XYLT1: variants seen among roughly 807,000 people sequenced by gnomAD.
XYLT1 encodes xylosyltransferase 1.
In XYLT1, 36 loss-of-function variants were observed where a neutral mutation model predicts 91.3. That is an observed-to-expected ratio of 0.39 (90% CI 0.30 to 0.52). The LOEUF (loss-of-function observed/expected upper bound fraction) is 0.52. XYLT1 is among the 20% of genes least tolerant of loss of function. The pLI is 0.68. For missense variants in XYLT1, 1,242 were observed against 1,284.5 expected, an observed-to-expected ratio of 0.97 and a Z score of 0.51; for synonymous variants, 588 against 532.0, an observed-to-expected ratio of 1.11 and a Z score of -1.45.
intron 2 of XYLT1, among the ~76,000 whole-genome samples, chr16:17,331,933 G>T (rs1360658594): frequency 1.3e-5 from 2 of 152,212 alleles, no homozygotes; most frequent in African/African-American, 4.8e-5. Flanking sequence ...CTTTGTCTCA[G>T]CAAGACCAGG....
intron 1 of XYLT1, among the ~76,000 whole-genome samples, chr16:17,440,908 A>C (rs1298387319): frequency 6.6e-6 from 1 of 152,104 alleles, no homozygotes; most frequent in African/African-American, 2.4e-5. Context: ...AACACTTACT[A>C]ATGGCGTGGC....
chr16:17,379,041 C>T (rs1457467077), intron 1 of XYLT1, among the ~76,000 whole-genome samples: 4 of 152,172 alleles, frequency 2.6e-5, no homozygotes, highest in Non-Finnish European at 4.4e-5. Context: ...GGCACATAGC[C>T]CTTCAACCAC....
chr16:17,243,380 G>A (rs116729133), intron 3 of XYLT1, among the ~76,000 whole-genome samples: 105 of 152,282 alleles, frequency 6.9e-4, no homozygotes, highest in African/African-American at 2.3e-3. Context: ...AAGGTCAAAC[G>A]AATTATCTGA....
chr16:17,163,546 G>A (rs545665499), intron 5 of XYLT1, among the ~76,000 whole-genome samples: 25 of 152,258 alleles, frequency 1.6e-4, no homozygotes, highest in Admixed American at 4.6e-4. Flanking sequence ...ACCCCTTCCC[G>A]ACTGCAGGAT....
chr16:17,261,762 G>A (rs965605314), intron 2 of XYLT1, among the ~76,000 whole-genome samples: 5 of 152,112 alleles, frequency 3.3e-5, no homozygotes, highest in Admixed American at 3.3e-4. Context: ...CAGGAGCTGG[G>A]AGGTAACAAG....
At chr16:17,427,186 G>A (rs1008143002) in intron 1 of XYLT1, among the ~76,000 whole-genome samples, 1 of 152,260 alleles carries the variant, frequency 6.6e-6, no homozygotes, top group Non-Finnish European at 1.5e-5. Context: ...GTCCACGGAA[G>A]AGAAGGGACG....
chr16:17,353,891 T>C (rs1408436673), intron 2 of XYLT1, among the ~76,000 whole-genome samples: 2 of 152,224 alleles, frequency 1.3e-5, no homozygotes, highest in Non-Finnish European at 1.5e-5. Context: ...CTAATGTGCA[T>C]CAACACTATC....
At chr16:17,410,434 AAG>A (rs1192281983) in intron 1 of XYLT1, among the ~76,000 whole-genome samples, 1 of 152,144 alleles carries the variant, frequency 6.6e-6, no homozygotes. Context: ...CAGACAAGGG[AAG>A]AGAGAGCTTG....
At chr16:17,418,417 A>G (rs1389639671) in intron 1 of XYLT1, among the ~76,000 whole-genome samples, 2 of 152,188 alleles carry the variant, frequency 1.3e-5, no homozygotes, top group African/African-American at 4.8e-5. Context: ...AAAACAATAA[A>G]ACCATTTTAT....
At chr16:17,292,953 G>A (rs1346998839) in intron 2 of XYLT1, among the ~76,000 whole-genome samples, 1 of 152,152 alleles carries the variant, frequency 6.6e-6, no homozygotes, top group African/African-American at 2.4e-5. Flanking sequence ...CAGGAACCAG[G>A]ACTCTGGCAC....
At chr16:17,137,104 G>A (rs886095595) in intron 8 of XYLT1, among the ~76,000 whole-genome samples, 1 of 152,104 alleles carries the variant, frequency 6.6e-6, no homozygotes, top group Non-Finnish European at 1.5e-5. Flanking sequence ...AAGGTGGCTG[G>A]AGCTGCTGTG....
At chr16:17,425,785 T>C (rs1437985458) in intron 1 of XYLT1, among the ~76,000 whole-genome samples, 1 of 152,164 alleles carries the variant, frequency 6.6e-6, no homozygotes, top group Non-Finnish European at 1.5e-5. Context: ...GAGTCCTGAA[T>C]GCCCTTCCTG....
intron 2 of XYLT1, chr16:17,355,009 G>A (rs1222852088): frequency 6.6e-6 from 1 of 152,354 alleles, no homozygotes; most frequent in Non-Finnish European, 1.5e-5. Context: ...GCTCCCCAAA[G>A]ACAGGGAACC....
At chr16:17,138,225 T>C (rs1421458162) in intron 8 of XYLT1, 130 bp downstream of exon 8, 6 of 738,644 alleles carry the variant, frequency 8.1e-6, no homozygotes, top group Admixed American at 4.0e-5. Context: ...CTGTTAACTA[T>C]TATTAATTAT....
rs567273140 is a variant in XYLT1 at position 17,206,745 on chromosome 16, A to G, written c.914-6091T>C. On this transcript the variant is annotated intron_variant, in intron 3 of 11. Coordinates refer to ENST00000261381, the MANE Select transcript of XYLT1 (RefSeq NM_022166.4). ...AGTGAGACCCTGTCTCTAAAAATAA[A>G]TAAATCAGAAATAAACAAACACTCA... 3.3e-5 allele frequency among the ~76,000 whole-genome samples: 5 copies of G among 152,262 alleles called. No individual in the cohort carries two copies. In the South Asian group the frequency reaches 8.3e-4, roughly 25 times the overall value.
chr16:17,115,484 T>C (rs1419674534), intron 11 of XYLT1, among the ~76,000 whole-genome samples: 1 of 3,486 alleles, frequency 2.9e-4, no homozygotes, highest in African/African-American at 3.2e-4. Context: ...ACCTAAATTC[T>C]TTTTTTTTTT....
rs565056180 is a variant in XYLT1, at chr16:17,332,163, T to C, written c.402+25849A>G. The stretch of plus-strand genomic sequence containing the variant: ...CAGCACCTGCTTCCCTGGGGCTGAC[T>C]GTACGTGACACATAAACTGCTGTCC... On this transcript the variant is annotated intron_variant, in intron 2 of 11. Transcript: ENST00000261381. 3.9e-5 allele frequency among the ~76,000 whole-genome samples: 6 copies of C among 152,362 alleles called. No homozygotes were observed. In the South Asian group the frequency reaches 1.2e-3, roughly 32 times the overall value.
intron 10 of XYLT1, among the ~76,000 whole-genome samples, chr16:17,121,208 C>A (rs1457288254): frequency 6.6e-6 from 1 of 152,214 alleles, no homozygotes; most frequent in Non-Finnish European, 1.5e-5. Flanking sequence ...TGGGAACCCT[C>A]CAGAACACTG....
intron 5 of XYLT1, among the ~76,000 whole-genome samples, chr16:17,185,018 G>C (rs1237299822): frequency 1.3e-5 from 2 of 152,174 alleles, no homozygotes; most frequent in Non-Finnish European, 2.9e-5. Context: ...TAAGCCCATA[G>C]ACCACTCTTG....
Sources: gnomAD v4.1 joint callset for allele counts (sites outside exome capture counted in the v4.1 genomes callset) on GRCh38, gnomAD v4.1.1 for gene constraint, MANE v1.5 for transcripts, NCBI Gene and HGNC (gene_info 2026-07-23, HGNC 2026-07-21) for gene names.